GPHN: variants seen among roughly 807,000 people sequenced by gnomAD.
GPHN encodes gephyrin.
Under a neutral mutation model 95.5 loss-of-function variants are expected in GPHN, and 17 were observed. The observed-to-expected ratio is 0.18, with a 90% CI of 0.12 to 0.27. The LOEUF (loss-of-function observed/expected upper bound fraction) is 0.27, where lower values mean the gene tolerates loss of function less well. Ranked by LOEUF, GPHN falls within the 10% of genes least tolerant of loss-of-function variation. The pLI is 1.00. For missense variants in GPHN, 660 were observed against 978.1 expected (o/e 0.67, Z 4.34); for synonymous variants, 320 against 322.5 (o/e 0.99, Z 0.08).
the GPHN span, among the ~76,000 whole-genome samples, chr14:67,484,777 A>G: frequency 1.3e-5 from 2 of 152,172 alleles, no homozygotes; most frequent in Non-Finnish European, 2.9e-5. Flanking sequence ...AAAAAAAAGA[A>G]AAAGCACTCA....
intron 9 of GPHN, chr14:66,996,209 T>C: frequency 6.5e-7 from 1 of 1,529,676 alleles, no homozygotes; most frequent in South Asian, 1.2e-5. Flanking sequence ...CTACCTATAG[T>C]GTATCTGAGG....
At chr14:67,647,048 A>T in the GPHN span, 154 of 1,481,990 alleles carry the variant, frequency 1.0e-4, 3 homozygotes, top group South Asian at 7.8e-4. Flanking sequence ...AACTGATGTC[A>T]GGGCAAACCC....
the GPHN span, among the ~76,000 whole-genome samples, chr14:67,468,158 G>A: frequency 6.6e-6 from 1 of 152,076 alleles, no homozygotes; most frequent in African/African-American, 2.4e-5. Context: ...ATTTTTAGTA[G>A]AGATGGGGTT....
intron 5 of GPHN, among the ~76,000 whole-genome samples, chr14:66,901,494 A>G (rs1398633961): frequency 6.6e-6 from 1 of 152,008 alleles, no homozygotes; most frequent in African/African-American, 2.4e-5. Context: ...GTTTTCTTCT[A>G]GTAGTTTCAT....
chr14:66,576,220 G>A (rs2060894077), intron 1 of GPHN, among the ~76,000 whole-genome samples: 1 of 152,184 alleles, frequency 6.6e-6, no homozygotes. Flanking sequence ...TCCTGCATCT[G>A]TGCTGGCTAG....
the GPHN span, chr14:67,674,395 A>C: frequency 1.2e-6 from 2 of 1,602,544 alleles, no homozygotes; most frequent in Non-Finnish European, 1.7e-6. Context: ...CGTCCCCAGC[A>C]GCCGCTCGGG....
At chr14:66,711,339 C>A (rs1316147914) in intron 2 of GPHN, among the ~76,000 whole-genome samples, 1 of 152,138 alleles carries the variant, frequency 6.6e-6, no homozygotes, top group Non-Finnish European at 1.5e-5. Context: ...TAGTCTCTAA[C>A]CTCATCCAGG....
chr14:67,558,987 G>A, the GPHN span, among the ~76,000 whole-genome samples: 1 of 152,216 alleles, frequency 6.6e-6, no homozygotes, highest in Non-Finnish European at 1.5e-5. Context: ...GTGGCCTGAA[G>A]GCCATTGTTT....
chr14:66,621,264 T>G (rs1173793731), intron 1 of GPHN, among the ~76,000 whole-genome samples: 1 of 135,770 alleles, frequency 7.4e-6, no homozygotes, highest in African/African-American at 3.1e-5. Flanking sequence ...CATGAGCCAC[T>G]GCACCCAGCC....
intron 5 of GPHN, among the ~76,000 whole-genome samples, chr14:66,907,770 A>T (rs1026959033): frequency 6.6e-6 from 1 of 152,144 alleles, no homozygotes; most frequent in Non-Finnish European, 1.5e-5. Flanking sequence ...GTTGTATCCC[A>T]TGGAGGTATG....
At chr14:67,230,013 GT>G in the GPHN span, among the ~76,000 whole-genome samples, 1 of 152,136 alleles carries the variant, frequency 6.6e-6, no homozygotes, top group Admixed American at 6.5e-5. Flanking sequence ...GGAGACTAAC[GT>G]TTTTAAGTTA....
chr14:67,628,883 C>A, the GPHN span, among the ~76,000 whole-genome samples: 2 of 151,824 alleles, frequency 1.3e-5, no homozygotes, highest in Admixed American at 6.6e-5. Context: ...TGGGTATGTA[C>A]CCAAAAGGAC....
At chr14:67,649,509 CAT>C in the GPHN span, 1 of 152,074 alleles carries the variant, frequency 6.6e-6, no homozygotes, top group East Asian at 1.9e-4. Flanking sequence ...AAACATAAGT[CAT>C]GTATATATTT....
intron 2 of GPHN, among the ~76,000 whole-genome samples, chr14:66,768,576 A>G (rs1449300168): frequency 6.6e-6 from 1 of 152,006 alleles, no homozygotes; most frequent in Non-Finnish European, 1.5e-5. Context: ...TTAGGCATAC[A>G]TGACAATTAT....
chr14:66,750,564 T>A (rs530938958), intron 2 of GPHN, among the ~76,000 whole-genome samples: 1 of 151,874 alleles, frequency 6.6e-6, no homozygotes, highest in Non-Finnish European at 1.5e-5. Flanking sequence ...GCCCCCTCAC[T>A]TTTTTAAGCA....
At chr14:67,191,700 G>C in the GPHN span, among the ~76,000 whole-genome samples, 3 of 152,304 alleles carry the variant, frequency 2.0e-5, no homozygotes, top group East Asian at 1.9e-4. Context: ...TACACAGATA[G>C]GGAAGCCCTG....
the GPHN span, among the ~76,000 whole-genome samples, chr14:67,237,919 G>C: frequency 6.6e-6 from 1 of 152,098 alleles, no homozygotes; most frequent in African/African-American, 2.4e-5. Context: ...ATTTTGGGGG[G>C]AATATTATAT....
chr14:66,557,690 A>G (rs2060063493), intron 1 of GPHN, among the ~76,000 whole-genome samples: 1 of 152,190 alleles, frequency 6.6e-6, no homozygotes, highest in African/African-American at 2.4e-5. Flanking sequence ...CAAGAAAGGT[A>G]GTTGAGGGCT....
At chr14:66,967,885 C>T (rs113031087) in intron 9 of GPHN, among the ~76,000 whole-genome samples, 1 of 151,670 alleles carries the variant, frequency 6.6e-6, no homozygotes, top group Non-Finnish European at 1.5e-5. Flanking sequence ...CAAATGTGAG[C>T]TTTTGTGCTA....
Sources: gnomAD v4.1 joint callset for allele counts (sites outside exome capture counted in the v4.1 genomes callset) on GRCh38, gnomAD v4.1.1 for gene constraint, MANE v1.5 for transcripts, NCBI Gene and HGNC (gene_info 2026-07-23, HGNC 2026-07-21) for gene names.